Variants in NSMAF observed in about 807,000 individuals in gnomAD.
The protein encoded by NSMAF is protein FAN.
A neutral mutation model predicts 134.9 loss-of-function variants in NSMAF; 90 were observed. The ratio of observed to expected loss-of-function variants is 0.67; its 90% CI spans 0.56 to 0.79. NSMAF has a LOEUF of 0.79. Ranked by LOEUF, NSMAF falls within the 30% of genes least tolerant of loss-of-function variation. The pLI, the probability that NSMAF is intolerant of heterozygous loss-of-function variation, is 0.00. For synonymous variants in NSMAF, 358 were observed against 389.6 expected, an observed-to-expected ratio of 0.92 and a Z score of 0.96; for missense variants, 1,010 against 1,119.0, an observed-to-expected ratio of 0.90 and a Z score of 1.39.
intron 27 of NSMAF, among the ~76,000 whole-genome samples, chr8:58,586,855 T>C (rs1006531724): frequency 1.3e-5 from 2 of 152,244 alleles, no homozygotes; most frequent in Non-Finnish European, 2.9e-5. Flanking sequence ...GTAAAGGTAA[T>C]GCTGTTTTAA....
chr8:58,625,188 G>A (rs942558242), intron 6 of NSMAF, among the ~76,000 whole-genome samples: 5 of 152,136 alleles, frequency 3.3e-5, no homozygotes, highest in Non-Finnish European at 7.4e-5. Context: ...TTCAAGCTGG[G>A]ATATTGGTTT....
At chr8:58,618,317 AAAG>A (rs1415148674) in intron 9 of NSMAF, among the ~76,000 whole-genome samples, 1 of 152,132 alleles carries the variant, frequency 6.6e-6, no homozygotes, top group Non-Finnish European at 1.5e-5. Flanking sequence ...AATTTTTTTA[AAAG>A]AAGGGGAAAA....
intron 2 of NSMAF, among the ~76,000 whole-genome samples, chr8:58,641,397 T>C (rs538915955): frequency 2.0e-5 from 3 of 152,358 alleles, no homozygotes; most frequent in East Asian, 3.9e-4. Flanking sequence ...ATATTGTTCT[T>C]CTGATCCTTC....
intron 1 of NSMAF, among the ~76,000 whole-genome samples, chr8:58,646,033 C>G (rs1807443932): frequency 6.6e-6 from 1 of 151,942 alleles, no homozygotes; most frequent in Non-Finnish European, 1.5e-5. Context: ...AAGAGCGAGA[C>G]TCCGTCTCAA....
chr8:58,589,445 T>C lies in NSMAF; in HGVS notation c.2211+7A>G, dbSNP rs1002730529. On this transcript the variant is annotated splice_region_variant and intron_variant, in intron 26 of 30. Coordinates refer to ENST00000038176, the MANE Select transcript of NSMAF (RefSeq NM_003580.4). ...AGTTAAAAAAACTTTTTAAATTATA[T>C]ATGAACCTTCACTGTAGAGTCCCAC... 1.4e-6 allele frequency: 2 copies of C among 1,455,218 alleles called. No individual in the cohort carries two copies. 90.1% of individuals were successfully genotyped at this position (1,455,218 alleles called of 1,614,324 possible).
chr8:58,606,658 C>G (rs2129141954), intron 11 of NSMAF, among the ~76,000 whole-genome samples: 1 of 152,220 alleles, frequency 6.6e-6, no homozygotes, highest in Admixed American at 6.5e-5. Context: ...CTTATAAAAA[C>G]CTATGAGCTT....
rs1230141774 is a variant in NSMAF at position 58,589,363 on chromosome 8, T to TA, written c.2211+88dup. ...TAGCAATAGGTAGTTGAGTGGCTTA[T>TA]AATATCTGTATGTACATTTTAAGCT... On this transcript the variant is annotated intron_variant, in intron 26 of 30. Transcript: ENST00000038176. 14 of 1,073,356 alleles carry TA rather than the reference T, an allele frequency of 1.3e-5. No individual in the cohort carries two copies. In the East Asian group the frequency reaches 4.1e-4, roughly 31 times the overall value. 66.5% of individuals were successfully genotyped at this position (1,073,356 alleles called of 1,614,324 possible).
chr8:58,630,774 T>C (rs897095728), intron 6 of NSMAF, among the ~76,000 whole-genome samples: 2 of 152,154 alleles, frequency 1.3e-5, no homozygotes, highest in African/African-American at 2.4e-5. Flanking sequence ...GGCCACTGAG[T>C]ATACAATTTG....
At chr8:58,588,841 C>A in intron 26 of NSMAF, 1 of 750,244 alleles carries the variant, frequency 1.3e-6, no homozygotes. Context: ...CTGATCATGG[C>A]AGATGAAAGG....
At chr8:58,601,980 A>C (rs1806293719) in intron 14 of NSMAF, 78 bp downstream of exon 14, 1 of 1,167,382 alleles carries the variant, frequency 8.6e-7, no homozygotes. Context: ...GCCTTGGAGA[A>C]ACGAATTTCC....
chr8:58,658,969 C>G (rs992118327), intron 1 of NSMAF, among the ~76,000 whole-genome samples: 1 of 152,208 alleles, frequency 6.6e-6, no homozygotes, highest in African/African-American at 2.4e-5. Context: ...CCTTGGCTTT[C>G]CTCAGAATCA....
At chr8:58,605,558 T>A (rs940622513) in intron 12 of NSMAF, among the ~76,000 whole-genome samples, 1 of 152,152 alleles carries the variant, frequency 6.6e-6, no homozygotes, top group African/African-American at 2.4e-5. Context: ...TTTCCCAGAA[T>A]TTTAAAAATA....
At chr8:58,587,411 A>G in intron 27 of NSMAF, among the ~76,000 whole-genome samples, 1 of 152,250 alleles carries the variant, frequency 6.6e-6, no homozygotes, top group East Asian at 1.9e-4. Flanking sequence ...AAATGTGCAA[A>G]GAAGTAACTT....
intron 1 of NSMAF, among the ~76,000 whole-genome samples, chr8:58,653,211 A>C (rs1807626350): frequency 6.6e-6 from 1 of 152,192 alleles, no homozygotes; most frequent in South Asian, 2.1e-4. Context: ...AAACAAATAA[A>C]ATATATAACT....
intron 9 of NSMAF, among the ~76,000 whole-genome samples, chr8:58,611,609 T>C (rs1057290716): frequency 1.3e-5 from 2 of 151,860 alleles, no homozygotes; most frequent in African/African-American, 2.4e-5. Flanking sequence ...AACGGAAATA[T>C]AGGAATAAAA....
intron 9 of NSMAF, among the ~76,000 whole-genome samples, chr8:58,614,113 A>G (rs1156309090): frequency 6.6e-6 from 1 of 152,202 alleles, no homozygotes; most frequent in Non-Finnish European, 1.5e-5. Flanking sequence ...CCATTGCCTA[A>G]CAACACGTTT....
At chr8:58,624,749 T>C (rs1247352312) in intron 6 of NSMAF, among the ~76,000 whole-genome samples, 2 of 152,230 alleles carry the variant, frequency 1.3e-5, no homozygotes, top group Admixed American at 1.3e-4. Context: ...TCTGCATATC[T>C]GTTAGGTCCA....
intron 9 of NSMAF, among the ~76,000 whole-genome samples, chr8:58,610,304 C>T (rs996757047): frequency 5.3e-5 from 8 of 152,106 alleles, no homozygotes; most frequent in African/African-American, 1.9e-4. Flanking sequence ...CAACAAAGTC[C>T]CTTCTCATTC....
At position 58,597,462 on chromosome 8, in the gene NSMAF, G is replaced by T; in HGVS notation, c.1717C>A (p.Pro573Thr). The part of the protein sequence containing the change: ...TPKQLFVTPH[P>T]RRITPKFKSL... Reference sequence around the variant, plus strand: ...TTAAACTTTGGGGTGATCCTTCGAGGATGTGGTGTCACAAATAGTTGTTTT... The same window carrying T: ...TTAAACTTTGGGGTGATCCTTCGAGTATGTGGTGTCACAAATAGTTGTTTT... Residue 573 changes from proline (P) to threonine (T), a missense_variant, in exon 21 of 31, where the codon CCT becomes ACT. Physicochemically the swap from Pro to Thr is conservative, Grantham distance 38. Coordinates refer to ENST00000038176, the MANE Select transcript of NSMAF (RefSeq NM_003580.4). 1 of 1,614,030 alleles carries T rather than the reference G, an allele frequency of 6.2e-7. No homozygotes were observed. The highest frequency in any genetic ancestry group is 8.5e-7 in the Non-Finnish European group (1 of 1,179,880).
Sources: allele counts gnomAD v4.1 joint callset (sites outside exome capture counted in the v4.1 genomes callset), GRCh38; gene constraint gnomAD v4.1.1; transcripts MANE v1.5; gene names NCBI Gene and HGNC (gene_info 2026-07-23, HGNC 2026-07-21).